NTRK3: variants seen among roughly 807,000 people sequenced by gnomAD.
NTRK3 encodes the protein NT-3 growth factor receptor.
A neutral mutation model predicts 91.7 loss-of-function variants in NTRK3; 24 were observed. That is an observed-to-expected ratio of 0.26 (90% CI 0.19 to 0.37). The LOEUF is 0.37. Ranked by LOEUF, NTRK3 falls within the 10% of genes least tolerant of loss-of-function variation. The pLI is 1.00. For synonymous variants in NTRK3, 483 were observed against 404.0 expected (o/e 1.20, Z -2.34); for missense variants, 880 against 1,068.9 (o/e 0.82, Z 2.46).
rs149226701 is a variant in NTRK3 at position 87,965,712 on chromosome 15, G to T, written c.1586-24959C>A. 2.8e-3 allele frequency among the ~76,000 whole-genome samples: 423 copies of T among 152,324 alleles called. 19 individuals carry two copies. In the East Asian group the frequency reaches 0.07, roughly 25 times the overall value. On this transcript the variant is annotated intron_variant, in intron 14 of 18. Coordinates refer to ENST00000394480, the Ensembl canonical transcript of NTRK3. ...CTTTAAAGTCTTAACTGATCATTTT[G>T]ATTATGCCATTCTTTGAACTGCCAT...
intron 14 of NTRK3, chr15:87,977,291 A>C (rs555707800): frequency 5.6e-6 from 1 of 178,092 alleles, no homozygotes; most frequent in Admixed American, 6.3e-5. Context: ...ACAGGAAAAA[A>C]TGCAGGTAAC....
At chr15:88,015,835 G>A (rs757292123) in intron 14 of NTRK3, among the ~76,000 whole-genome samples, 13 of 152,128 alleles carry the variant, frequency 8.5e-5, no homozygotes, top group Non-Finnish European at 1.5e-5. Flanking sequence ...GCACTGTAAT[G>A]AAGAACGAAG....
intron 17 of NTRK3, among the ~76,000 whole-genome samples, chr15:87,903,852 T>C (rs950824164): frequency 2.6e-5 from 4 of 152,218 alleles, no homozygotes; most frequent in African/African-American, 9.6e-5. Flanking sequence ...TACATTGGTG[T>C]TTGACTTTGG....
At chr15:88,128,346 T>G (rs976025021) in intron 11 of NTRK3, among the ~76,000 whole-genome samples, 1 of 152,204 alleles carries the variant, frequency 6.6e-6, no homozygotes, top group Non-Finnish European at 1.5e-5. Flanking sequence ...AGCAGGTTTA[T>G]AGGTTCCATA....
intron 5 of NTRK3, among the ~76,000 whole-genome samples, chr15:88,159,656 G>C (rs1405997546): frequency 6.6e-6 from 1 of 152,174 alleles, no homozygotes; most frequent in East Asian, 1.9e-4. Flanking sequence ...AAAGAGTCAT[G>C]TGAGCAGATG....
At chr15:88,225,415 T>G (rs2050588723) in intron 3 of NTRK3, among the ~76,000 whole-genome samples, 1 of 152,058 alleles carries the variant, frequency 6.6e-6, no homozygotes, top group Non-Finnish European at 1.5e-5. Flanking sequence ...CCATCCCACC[T>G]CCTTTCTGCA....
At chr15:87,971,097 G>A (rs893233139) in intron 14 of NTRK3, among the ~76,000 whole-genome samples, 6 of 152,184 alleles carry the variant, frequency 3.9e-5, no homozygotes, top group African/African-American at 1.4e-4. Context: ...CATAAAGATT[G>A]AACGATTCTG....
At chr15:87,993,544 G>C (rs2075444405) in intron 14 of NTRK3, among the ~76,000 whole-genome samples, 1 of 152,110 alleles carries the variant, frequency 6.6e-6, no homozygotes, top group African/African-American at 2.4e-5. Context: ...TTTTTAATTT[G>C]ATGGAAGCAT....
chr15:87,929,111 G>A (rs1433123394), intron 17 of NTRK3, 80 bp downstream of exon 17: 2 of 1,606,882 alleles, frequency 1.2e-6, no homozygotes, highest in East Asian at 2.2e-5. Context: ...AGAGTGACAG[G>A]GTTAATGGAC....
At chr15:88,245,589 G>A (rs1485512080) in intron 3 of NTRK3, among the ~76,000 whole-genome samples, 3 of 152,160 alleles carry the variant, frequency 2.0e-5, no homozygotes, top group Non-Finnish European at 4.4e-5. Context: ...ATGAGCTAGA[G>A]GCGGAGAGAC....
At chr15:88,033,198 AT>A (rs2078738660) in intron 13 of NTRK3, among the ~76,000 whole-genome samples, 153 bp from the exon 14 acceptor site, 4 of 130,290 alleles carry the variant, frequency 3.1e-5, no homozygotes, top group Non-Finnish European at 6.4e-5. Flanking sequence ...ATATATATAT[AT>A]ATATATATAT....
chr15:88,222,509 C>A (rs938006314), intron 3 of NTRK3, among the ~76,000 whole-genome samples: 1 of 152,208 alleles, frequency 6.6e-6, no homozygotes, highest in Non-Finnish European at 1.5e-5. Flanking sequence ...TTTTAATCAT[C>A]CATTTCAGTT....
chr15:87,945,257 A>G (rs1361145574), intron 14 of NTRK3, among the ~76,000 whole-genome samples: 6 of 152,202 alleles, frequency 3.9e-5, no homozygotes, highest in Admixed American at 1.3e-4. Context: ...TTTTTGTGAG[A>G]CAGCCACCAA....
intron 3 of NTRK3, among the ~76,000 whole-genome samples, chr15:88,224,802 G>A (rs73448678): frequency 6.6e-6 from 1 of 152,138 alleles, no homozygotes; most frequent in Non-Finnish European, 1.5e-5. Flanking sequence ...GTCTTGTTAG[G>A]GAGGCAGCTA....
chr15:88,113,503 A>G (rs1445370470), intron 13 of NTRK3, among the ~76,000 whole-genome samples: 1 of 151,936 alleles, frequency 6.6e-6, no homozygotes, highest in Admixed American at 6.6e-5. Context: ...TTTAGTAGAG[A>G]TGGAGTTTCG....
intron 13 of NTRK3, among the ~76,000 whole-genome samples, chr15:88,060,976 T>A (rs2046164001): frequency 6.6e-6 from 1 of 152,168 alleles, no homozygotes; most frequent in South Asian, 2.1e-4. Context: ...CCCTTTTTTT[T>A]TCAACTATTA....
At chr15:88,253,795 C>T (rs1431514852) in intron 3 of NTRK3, among the ~76,000 whole-genome samples, 1 of 152,170 alleles carries the variant, frequency 6.6e-6, no homozygotes, top group Non-Finnish European at 1.5e-5. Flanking sequence ...TCCCTGCTCA[C>T]TATCCTCCCA....
intron 13 of NTRK3, chr15:88,099,347 A>G (rs2049947414): frequency 1.0e-5 from 2 of 200,712 alleles, no homozygotes; most frequent in South Asian, 3.8e-4. Context: ...GGAACATGGA[A>G]GAGAGAAGGT....
At chr15:88,009,407 G>A (rs1157635964) in intron 14 of NTRK3, among the ~76,000 whole-genome samples, 1 of 152,098 alleles carries the variant, frequency 6.6e-6, no homozygotes, top group Non-Finnish European at 1.5e-5. Flanking sequence ...GGCAAAAAGG[G>A]GAACACAAGC....
Sources: allele counts gnomAD v4.1 joint callset (sites outside exome capture counted in the v4.1 genomes callset), GRCh38; gene constraint gnomAD v4.1.1; transcripts MANE v1.5; gene names NCBI Gene and HGNC (gene_info 2026-07-23, HGNC 2026-07-21).